TSEN2: variants seen among roughly 807,000 people sequenced by gnomAD.
TSEN2 encodes the protein tRNA splicing endonuclease subunit 2.
In TSEN2, 54 loss-of-function variants were observed where a neutral mutation model predicts 59.2. The ratio of observed to expected loss-of-function variants is 0.91; its 90% CI spans 0.73 to 1.14. The LOEUF is 1.14. Among genes scored for constraint, TSEN2 ranks in the 50% most tolerant of loss-of-function variants. The probability of loss-of-function intolerance (pLI) is 0.00; values close to 1 mark genes in which losing one functional copy is unlikely to be tolerated. For missense variants in TSEN2, 636 were observed against 576.2 expected (o/e 1.10, Z -1.06); for synonymous variants, 195 against 198.2 (o/e 0.98, Z 0.14).
downstream of TSEN2, among the ~76,000 whole-genome samples, chr3:12,538,598 A>C (rs112886393): frequency 8.3e-3 from 1,268 of 152,226 alleles, 17 homozygotes; most frequent in African/African-American, 0.029. Context: ...CATTTTTGGA[A>C]ATTAGACATC....
chr3:12,486,087 C>T (rs1012085339), intron 1 of TSEN2, among the ~76,000 whole-genome samples: 2 of 152,068 alleles, frequency 1.3e-5, no homozygotes, highest in African/African-American at 2.4e-5. Flanking sequence ...ACTTGAGCTG[C>T]GGATTTTGGT....
At chr3:12,487,954 A>G (rs2052791416) in intron 1 of TSEN2, among the ~76,000 whole-genome samples, 1 of 150,626 alleles carries the variant, frequency 6.6e-6, no homozygotes, top group African/African-American at 2.5e-5. Flanking sequence ...TGGCAATTCT[A>G]GGAAGGTTCC....
At chr3:12,510,971 C>T (rs1259575752) in intron 6 of TSEN2, 1 of 152,192 alleles carries the variant, frequency 6.6e-6, no homozygotes, top group Non-Finnish European at 1.5e-5. Flanking sequence ...TATACCCAGA[C>T]ACACAGGAAA....
chr3:12,516,604 T>G lies in TSEN2; in HGVS notation c.910-7T>G. 1 of 1,613,912 alleles carries G rather than the reference T, an allele frequency of 6.2e-7. No homozygotes were observed. Among genetic ancestry groups the G allele is most frequent in the Non-Finnish European group, 8.5e-7 (1 of 1,179,950 alleles). On this transcript the variant is annotated splice_polypyrimidine_tract_variant and splice_region_variant and intron_variant, in intron 6 of 11. Coordinates refer to ENST00000284995, the MANE Select transcript of TSEN2 (RefSeq NM_025265.4). ...TAATGAGCATTTTCTGCTTGCTGTA[T>G]TTTCAGGCCTTTTTCTTGGTCTATG...
intron 7 of TSEN2, among the ~76,000 whole-genome samples, chr3:12,517,457 C>G (rs183156885): frequency 3.2e-4 from 49 of 151,566 alleles, no homozygotes; most frequent in African/African-American, 1.1e-3. Context: ...AATAAATATT[C>G]GAACCTATGT....
intron 1 of TSEN2, among the ~76,000 whole-genome samples, chr3:12,487,813 G>A (rs761055821): frequency 2.6e-5 from 4 of 152,202 alleles, no homozygotes; most frequent in Non-Finnish European, 4.4e-5. Context: ...TGCAGTAGAC[G>A]TGGTTTTGTT....
At chr3:12,509,207 G>GT (rs11435305) in intron 6 of TSEN2, among the ~76,000 whole-genome samples, 66,451 of 143,860 alleles carry the variant, frequency 0.46, 17,044 homozygotes, top group African/African-American at 0.71. Context: ...TTTTGTTGTT[G>GT]TTTTTTTTTT....
chr3:12,516,088 T>A (rs1406951967), intron 6 of TSEN2, among the ~76,000 whole-genome samples: 1 of 152,082 alleles, frequency 6.6e-6, no homozygotes, highest in Non-Finnish European at 1.5e-5. Flanking sequence ...CTTAGATTTT[T>A]AAAAAAATCT....
intron 7 of TSEN2, among the ~76,000 whole-genome samples, chr3:12,517,051 A>C (rs1277435453): frequency 6.6e-6 from 1 of 152,212 alleles, no homozygotes; most frequent in Non-Finnish European, 1.5e-5. Flanking sequence ...ACCTGGTTAG[A>C]ATTTGCAGAT....
At chr3:12,519,974 A>G (rs1459242233) in intron 8 of TSEN2, among the ~76,000 whole-genome samples, 2 of 152,030 alleles carry the variant, frequency 1.3e-5, no homozygotes, top group Non-Finnish European at 2.9e-5. Context: ...TCCTTACAGT[A>G]GTCCTATGCA....
chr3:12,501,651 G>A (rs759478214), intron 4 of TSEN2, among the ~76,000 whole-genome samples: 43 of 151,588 alleles, frequency 2.8e-4, no homozygotes, highest in Non-Finnish European at 5.1e-4. Flanking sequence ...ACAAATTTGC[G>A]TGTCATCTTT....
chr3:12,494,997 G>A (rs1332484785), intron 3 of TSEN2, among the ~76,000 whole-genome samples: 1 of 150,938 alleles, frequency 6.6e-6, no homozygotes, highest in Non-Finnish European at 1.5e-5. Flanking sequence ...ATGGTGGCAG[G>A]CACTTGTAAT....
upstream of TSEN2, among the ~76,000 whole-genome samples, chr3:12,481,486 T>C (rs569764464): frequency 4.6e-5 from 7 of 152,328 alleles, no homozygotes; most frequent in South Asian, 1.2e-3. Flanking sequence ...CTCTAGTTTG[T>C]GCCATGTTTT....
intron 6 of TSEN2, chr3:12,506,932 C>T (rs974764517): frequency 1.1e-6 from 1 of 907,654 alleles, no homozygotes. Context: ...CCGTGGCTCA[C>T]ACCTGTAATC....
intron 7 of TSEN2, 102 bp downstream of exon 7, chr3:12,516,763 TACTG>T: frequency 8.4e-7 from 1 of 1,184,922 alleles, no homozygotes; most frequent in Non-Finnish European, 1.2e-6. Flanking sequence ...TTTCTACTCT[TACTG>T]AATAAAATAG....
At chr3:12,494,681 A>G (rs138419255) in intron 3 of TSEN2, among the ~76,000 whole-genome samples, 3,992 of 148,704 alleles carry the variant, frequency 0.027, 177 homozygotes, top group African/African-American at 0.089. Flanking sequence ...GATTACAGGC[A>G]TGAGCCACTA....
intron 10 of TSEN2, chr3:12,531,167 A>T (rs2057433700): frequency 9.8e-6 from 2 of 203,236 alleles, no homozygotes; most frequent in Non-Finnish European, 2.0e-5. Context: ...ATCACCTCCC[A>T]CGAGGTCCCT....
chr3:12,492,225 T>A lies in TSEN2; in HGVS notation c.271+8T>A. On this transcript the variant is annotated splice_region_variant and intron_variant, in intron 3 of 11. Transcript: ENST00000284995. ...TGGTTGCTAAATGGAAAGGTAAAGTTGTTGTATCATTCAGTTCTTTTGACA... is the reference window on the plus strand; with the variant it reads ...TGGTTGCTAAATGGAAAGGTAAAGTAGTTGTATCATTCAGTTCTTTTGACA... The A allele has an allele frequency of 1.2e-6, 2 of 1,604,044 alleles. No homozygotes were observed. Among genetic ancestry groups the A allele is most frequent in the Non-Finnish European group, 1.7e-6 (2 of 1,173,154 alleles).
chr3:12,513,845 A>G (rs1169818085), intron 6 of TSEN2, among the ~76,000 whole-genome samples: 1 of 152,244 alleles, frequency 6.6e-6, no homozygotes, highest in African/African-American at 2.4e-5. Flanking sequence ...AGGGCTGTCA[A>G]CAGCTGTGAA....
Sources: gnomAD v4.1 joint callset for allele counts (sites outside exome capture counted in the v4.1 genomes callset) on GRCh38, gnomAD v4.1.1 for gene constraint, MANE v1.5 for transcripts, NCBI Gene and HGNC (gene_info 2026-07-23, HGNC 2026-07-21) for gene names.